Variants in CSMD1 observed in about 807,000 individuals in gnomAD.
CSMD1 encodes the protein CUB and Sushi multiple domains 1.
In CSMD1, 213 loss-of-function variants were observed where a neutral mutation model predicts 417.5. The observed-to-expected ratio is 0.51, with a 90% CI of 0.46 to 0.57. The LOEUF (loss-of-function observed/expected upper bound fraction) is 0.57, where lower values mean the gene tolerates loss of function less well. CSMD1 is among the 20% of genes least tolerant of loss of function. The pLI, the probability that CSMD1 is intolerant of heterozygous loss-of-function variation, is 0.00. For synonymous variants in CSMD1, 2,862 were observed against 1,736.8 expected (o/e 1.65, Z -16.11); for missense variants, 6,923 against 4,529.7 (o/e 1.53, Z -15.17).
chr8:4,145,119 G>T (rs931591097), intron 3 of CSMD1, among the ~76,000 whole-genome samples: 1 of 151,092 alleles, frequency 6.6e-6, no homozygotes, highest in East Asian at 1.9e-4. Context: ...ATAATTACAT[G>T]GCGCAGATAT....
intron 3 of CSMD1, among the ~76,000 whole-genome samples, chr8:4,146,589 G>A (rs1368748400): frequency 2.3e-5 from 2 of 85,128 alleles, no homozygotes; most frequent in Non-Finnish European, 4.8e-5. Flanking sequence ...TGTTTATATG[G>A]ACACATTTTT....
intron 3 of CSMD1, among the ~76,000 whole-genome samples, chr8:4,316,005 T>G (rs571207873): frequency 6.6e-6 from 1 of 152,314 alleles, no homozygotes; most frequent in African/African-American, 2.4e-5. Context: ...TTTCTTTCCT[T>G]TAAATATTCA....
intron 29 of CSMD1, among the ~76,000 whole-genome samples, chr8:3,218,357 C>G (rs186971409): frequency 6.6e-6 from 1 of 151,120 alleles, no homozygotes; most frequent in Non-Finnish European, 1.5e-5. Flanking sequence ...GTCAGGAGAT[C>G]GAGATCATCC....
chr8:4,370,107 G>A (rs1802313481), intron 3 of CSMD1, among the ~76,000 whole-genome samples: 1 of 151,596 alleles, frequency 6.6e-6, no homozygotes, highest in Non-Finnish European at 1.5e-5. Flanking sequence ...TATTTAGCAT[G>A]CCTTTTAGAT....
At chr8:3,274,646 C>T (rs992682286) in intron 26 of CSMD1, among the ~76,000 whole-genome samples, 85 of 152,028 alleles carry the variant, frequency 5.6e-4, no homozygotes, top group Non-Finnish European at 1.1e-3. Flanking sequence ...GGATAGTTAG[C>T]CCTTCTTGTT....
At chr8:4,827,858 C>A (rs915168557) in intron 1 of CSMD1, among the ~76,000 whole-genome samples, 1 of 152,086 alleles carries the variant, frequency 6.6e-6, no homozygotes, top group African/African-American at 2.4e-5. Flanking sequence ...GTTTACTTGC[C>A]CTTTACCATT....
chr8:3,896,619 C>A (rs1023120081), intron 5 of CSMD1, among the ~76,000 whole-genome samples: 2 of 152,044 alleles, frequency 1.3e-5, no homozygotes, highest in African/African-American at 4.8e-5. Context: ...TCACGCCATT[C>A]TCCTGCCTCA....
intron 1 of CSMD1, among the ~76,000 whole-genome samples, chr8:4,638,672 C>T (rs567774729): frequency 1.3e-5 from 2 of 152,242 alleles, no homozygotes; most frequent in Admixed American, 6.5e-5. Flanking sequence ...AGTCCCTAAG[C>T]AGGACAGCAG....
intron 1 of CSMD1, among the ~76,000 whole-genome samples, chr8:4,979,039 C>G (rs900177091): frequency 2.0e-5 from 3 of 152,142 alleles, no homozygotes; most frequent in African/African-American, 7.2e-5. Context: ...ATTATTTCCT[C>G]TCATCGTTCT....
At chr8:3,326,808 T>C (rs1806559400) in intron 23 of CSMD1, among the ~76,000 whole-genome samples, 1 of 152,238 alleles carries the variant, frequency 6.6e-6, no homozygotes, top group South Asian at 2.1e-4. Context: ...AGGCTTTCTT[T>C]TCTTATAGCA....
Position 4,616,519 on chromosome 8 carries a change from A to G in CSMD1, c.302+20823T>C, listed in dbSNP as rs146703978. Reference sequence around the variant, plus strand: ...CTCTCTCTAAATCACACCAAATACAAAGACTTTCTCATTCTCTCATGCCAG... The same window carrying G: ...CTCTCTCTAAATCACACCAAATACAGAGACTTTCTCATTCTCTCATGCCAG... On this transcript the variant is annotated intron_variant, in intron 2 of 69. Transcript: ENST00000635120. 3.4e-3 allele frequency among the ~76,000 whole-genome samples: 514 copies of G among 152,326 alleles called. 4 individuals are homozygous for G. Among genetic ancestry groups the G allele is most frequent in the African/African-American group, 0.012 (492 of 41,574 alleles).
chr8:3,373,620 C>T lies in CSMD1; in HGVS notation c.2783-4250G>A, dbSNP rs1212531493. 3 of 152,160 alleles carry T rather than the reference C, an allele frequency of 2.0e-5. No individual in the cohort carries two copies. In the East Asian group the frequency reaches 5.8e-4, roughly 29 times the overall value. 9.4% of individuals were successfully genotyped at this position (152,160 alleles called of 1,614,324 possible). Reference sequence around the variant, plus strand: ...TGTCTATACAGGTGAGGGCTGTATTCATATGTAGACATGTCTACATTCCCT... The same window carrying T: ...TGTCTATACAGGTGAGGGCTGTATTTATATGTAGACATGTCTACATTCCCT... On this transcript the variant is annotated intron_variant, in intron 18 of 69. Coordinates refer to ENST00000635120, the MANE Select transcript of CSMD1 (RefSeq NM_033225.6).
At chr8:3,769,242 C>T (rs78040795) in intron 5 of CSMD1, among the ~76,000 whole-genome samples, 3,243 of 152,286 alleles carry the variant, frequency 0.021, 143 homozygotes, top group African/African-American at 0.074. Flanking sequence ...GCAATTTGAT[C>T]ATCACCATGA....
intron 26 of CSMD1, among the ~76,000 whole-genome samples, chr8:3,280,723 ATAG>A (rs901975748): frequency 3.8e-4 from 24 of 63,962 alleles, no homozygotes; most frequent in African/African-American, 9.7e-4. Flanking sequence ...TGAGTAAAAA[ATAG>A]TAATTGTCAT....
chr8:3,158,571 T>C (rs1219375662), intron 38 of CSMD1, among the ~76,000 whole-genome samples: 5 of 152,262 alleles, frequency 3.3e-5, no homozygotes, highest in African/African-American at 1.2e-4. Flanking sequence ...ACTCAGGGTC[T>C]CTTTACCCTG....
rs1027641702 is a variant in CSMD1 at position 2,964,440 on chromosome 8, T to A, written c.9281-1045A>T. 3.3e-5 allele frequency among the ~76,000 whole-genome samples: 5 copies of A among 152,102 alleles called. No homozygotes were observed. The South Asian group carries it at 1.0e-3, about 32-fold the overall frequency. Reference sequence around the variant, plus strand: ...GGCCCCAGTTGGAAGAGACCTGAGCTACATGGGTCCCCTGGGGGCAGGGGG... The same window carrying A: ...GGCCCCAGTTGGAAGAGACCTGAGCAACATGGGTCCCCTGGGGGCAGGGGG... On this transcript the variant is annotated intron_variant, in intron 59 of 69. Transcript: ENST00000635120.
At chr8:4,315,443 C>T (rs969320096) in intron 3 of CSMD1, among the ~76,000 whole-genome samples, 7 of 151,956 alleles carry the variant, frequency 4.6e-5, no homozygotes, top group African/African-American at 1.7e-4. Flanking sequence ...TAAAATAAAT[C>T]AGTGAATGCA....
chr8:4,131,014 T>A (rs1377104804), intron 3 of CSMD1, among the ~76,000 whole-genome samples: 1 of 152,154 alleles, frequency 6.6e-6, no homozygotes, highest in Non-Finnish European at 1.5e-5. Flanking sequence ...AATCTAGCAT[T>A]AATGACTCCA....
intron 5 of CSMD1, among the ~76,000 whole-genome samples, chr8:3,793,833 T>C (rs1027768666): frequency 6.6e-6 from 1 of 152,208 alleles, no homozygotes; most frequent in African/African-American, 2.4e-5. Context: ...AGGATCTGCA[T>C]ACAAGAATCA....
Sources: gnomAD v4.1 joint callset for allele counts (sites outside exome capture counted in the v4.1 genomes callset) on GRCh38, gnomAD v4.1.1 for gene constraint, MANE v1.5 for transcripts, NCBI Gene and HGNC (gene_info 2026-07-23, HGNC 2026-07-21) for gene names.